Variants in ARHGAP22 observed in about 807,000 individuals in gnomAD.
ARHGAP22 encodes rho GTPase-activating protein 22.
In ARHGAP22, 48 loss-of-function variants were observed where a neutral mutation model predicts 59.1. The ratio of observed to expected loss-of-function variants is 0.81; its 90% CI spans 0.64 to 1.03. The LOEUF (loss-of-function observed/expected upper bound fraction) is 1.03. Ranked by LOEUF, ARHGAP22 falls within the 50% of genes least tolerant of loss-of-function variation. The pLI, the probability that ARHGAP22 is intolerant of heterozygous loss-of-function variation, is 0.00. For missense variants in ARHGAP22, 1,015 were observed against 958.7 expected, an observed-to-expected ratio of 1.06 and a Z score of -0.78; for synonymous variants, 445 against 416.4, an observed-to-expected ratio of 1.07 and a Z score of -0.84.
At chr10:48,646,106 T>C (rs1037578668) in intron 1 of ARHGAP22, among the ~76,000 whole-genome samples, 4 of 152,066 alleles carry the variant, frequency 2.6e-5, no homozygotes, top group Non-Finnish European at 5.9e-5. Context: ...CACAATAATA[T>C]CAAAAAGAAT....
At position 48,459,766 on chromosome 10, in the gene ARHGAP22, G is replaced by T; in HGVS notation, c.577C>A (p.Leu193Met). The change falls in exon 5 of 10, where the codon CTG becomes ATG. Residue 193 changes from leucine (L) to methionine (M), a missense_variant. Leu to Met is a conservative substitution (Grantham distance 15, BLOSUM62 2). Transcript: ENST00000249601. ...IRERGLTEEGLFRMPGQANLV... is the reference protein window; with the variant it reads ...IRERGLTEEGMFRMPGQANLV... ...TTGGCCTGGCCTGGCATGCGGAACAGCCCCTCCTCAGTGAGCCCGCGCTCC... is the reference window on the plus strand; with the variant it reads ...TTGGCCTGGCCTGGCATGCGGAACATCCCCTCCTCAGTGAGCCCGCGCTCC... 5 of 1,614,038 alleles carry T rather than the reference G, an allele frequency of 3.1e-6. No homozygotes were observed. The highest frequency in any genetic ancestry group is 4.2e-6 in the Non-Finnish European group (5 of 1,180,042).
intron 3 of ARHGAP22, among the ~76,000 whole-genome samples, chr10:48,523,112 C>A (rs986821174): frequency 4.6e-5 from 7 of 152,182 alleles, no homozygotes; most frequent in Non-Finnish European, 8.8e-5. Flanking sequence ...GGAAGGAAGA[C>A]CTAGTGCTCA....
chr10:48,579,579 T>C (rs1075811), intron 2 of ARHGAP22, among the ~76,000 whole-genome samples: 118,778 of 152,180 alleles, frequency 0.78, 46,534 homozygotes, highest in East Asian at 0.99. Flanking sequence ...TATCTATGCT[T>C]TCTGTCCTCT....
intron 4 of ARHGAP22, among the ~76,000 whole-genome samples, chr10:48,475,667 T>G (rs986857127): frequency 6.6e-6 from 1 of 152,176 alleles, no homozygotes; most frequent in Non-Finnish European, 1.5e-5. Context: ...AATCAAGAAT[T>G]CAATGACTTC....
intron 2 of ARHGAP22, among the ~76,000 whole-genome samples, chr10:48,565,190 C>T (rs555736295): frequency 6.6e-6 from 1 of 152,252 alleles, no homozygotes; most frequent in Non-Finnish European, 1.5e-5. Context: ...TGATAGTAAA[C>T]TTTGGGACAA....
chr10:48,613,293 T>C (rs78794897), intron 1 of ARHGAP22, among the ~76,000 whole-genome samples: 2 of 152,332 alleles, frequency 1.3e-5, no homozygotes, highest in East Asian at 3.9e-4. Context: ...TGGAGGTCAC[T>C]GATGAGCATC....
At chr10:48,562,762 C>G (rs1481182294) in intron 2 of ARHGAP22, among the ~76,000 whole-genome samples, 1 of 152,080 alleles carries the variant, frequency 6.6e-6, no homozygotes, top group Non-Finnish European at 1.5e-5. Context: ...AAACTGTGCC[C>G]ATGAAATATG....
chr10:48,605,078 C>A, upstream of ARHGAP22: 1 of 1,346,394 alleles, frequency 7.4e-7, no homozygotes, highest in Non-Finnish European at 9.6e-7. Flanking sequence ...ATCACTGGAC[C>A]AGGGCGGGGC....
chr10:48,586,170 A>T (rs182399421), intron 1 of ARHGAP22, among the ~76,000 whole-genome samples: 1 of 152,154 alleles, frequency 6.6e-6, no homozygotes, highest in Admixed American at 6.5e-5. Context: ...TCTCACATTG[A>T]TGGGTATTGG....
At chr10:48,635,091 C>T (rs2061763702) in intron 1 of ARHGAP22, among the ~76,000 whole-genome samples, 1 of 152,156 alleles carries the variant, frequency 6.6e-6, no homozygotes, top group Non-Finnish European at 1.5e-5. Flanking sequence ...TGTACCTGCC[C>T]TCCCTCTTCC....
At chr10:48,491,440 T>C (rs868128666) in intron 3 of ARHGAP22, among the ~76,000 whole-genome samples, 1 of 152,202 alleles carries the variant, frequency 6.6e-6, no homozygotes, top group South Asian at 2.1e-4. Context: ...CACCCCATGT[T>C]CCTTCTTGGC....
upstream of ARHGAP22, chr10:48,656,215 T>C (rs10857616): frequency 0.62 from 90,566 of 145,884 alleles, 28,114 homozygotes; most frequent in Admixed American, 0.66. Flanking sequence ...GGATGCAGCC[T>C]GGGCCCCGCA....
intron 4 of ARHGAP22, among the ~76,000 whole-genome samples, chr10:48,477,483 T>C (rs577233982): frequency 6.6e-6 from 1 of 152,308 alleles, no homozygotes; most frequent in Admixed American, 6.5e-5. Flanking sequence ...TGTATCCAAG[T>C]CTCCTGGCAT....
chr10:48,518,736 C>A (rs375345337), intron 3 of ARHGAP22, among the ~76,000 whole-genome samples: 3 of 152,192 alleles, frequency 2.0e-5, no homozygotes, highest in African/African-American at 7.2e-5. Context: ...ACACTGGCTA[C>A]TGGAGAAGGG....
chr10:48,647,913 G>A (rs2062380475), intron 1 of ARHGAP22, among the ~76,000 whole-genome samples: 1 of 152,212 alleles, frequency 6.6e-6, no homozygotes, highest in Non-Finnish European at 1.5e-5. Context: ...AAAACGTTAT[G>A]CTACATGAAA....
At chr10:48,632,339 C>T (rs1054550360) in intron 1 of ARHGAP22, among the ~76,000 whole-genome samples, 16 of 152,150 alleles carry the variant, frequency 1.1e-4, no homozygotes, top group African/African-American at 3.6e-4. Flanking sequence ...AGAAAAATTC[C>T]AGTAGTTATG....
intron 3 of ARHGAP22, among the ~76,000 whole-genome samples, chr10:48,517,082 T>C (rs1303133846): frequency 6.6e-6 from 1 of 151,828 alleles, no homozygotes; most frequent in Admixed American, 6.6e-5. Flanking sequence ...ACGGGGAGGG[T>C]TGTTTCTGGA....
At chr10:48,448,038 T>G (rs1487440479) in intron 9 of ARHGAP22, among the ~76,000 whole-genome samples, 1 of 151,656 alleles carries the variant, frequency 6.6e-6, no homozygotes, top group Non-Finnish European at 1.5e-5. Flanking sequence ...TGGCAAGCTC[T>G]GCTCGGCATG....
At chr10:48,462,634 G>A (rs1319220856) in intron 4 of ARHGAP22, among the ~76,000 whole-genome samples, 1 of 152,220 alleles carries the variant, frequency 6.6e-6, no homozygotes, top group Admixed American at 6.5e-5. Context: ...AGCAGTTCCT[G>A]AAAACATGGG....
Sources: gnomAD v4.1 joint callset for allele counts (sites outside exome capture counted in the v4.1 genomes callset) on GRCh38, gnomAD v4.1.1 for gene constraint, MANE v1.5 for transcripts, NCBI Gene and HGNC (gene_info 2026-07-23, HGNC 2026-07-21) for gene names.